Variants in RGS6 observed in about 807,000 individuals in gnomAD.
RGS6 encodes the protein regulator of G protein signaling 6.
RGS6 carries 30 observed loss-of-function variants against 78.5 expected under a neutral mutation model. The ratio of observed to expected loss-of-function variants is 0.38; its 90% CI spans 0.29 to 0.52. The LOEUF (loss-of-function observed/expected upper bound fraction) is 0.52, where lower values mean the gene tolerates loss of function less well. Ranked by LOEUF, RGS6 falls within the 20% of genes least tolerant of loss-of-function variation. The pLI, the probability that RGS6 is intolerant of heterozygous loss-of-function variation, is 0.85. For missense variants in RGS6, 495 were observed against 609.7 expected (o/e 0.81, Z 1.98); for synonymous variants, 206 against 206.0 (o/e 1.00, Z 0.00).
intron 1 of RGS6, among the ~76,000 whole-genome samples, chr14:71,940,429 A>G (rs1227771672): frequency 3.9e-5 from 6 of 152,150 alleles, no homozygotes; most frequent in Non-Finnish European, 8.8e-5. Context: ...TATAATTCAA[A>G]TTAGTCTTTT....
intron 3 of RGS6, among the ~76,000 whole-genome samples, chr14:72,416,041 A>C (rs1355975553): frequency 6.6e-6 from 1 of 151,724 alleles, no homozygotes; most frequent in Non-Finnish European, 1.5e-5. Flanking sequence ...CCAGCTTCTC[A>C]GGAGGCTGAG....
the RGS6 span, among the ~76,000 whole-genome samples, chr14:71,905,923 A>G: frequency 1.3e-5 from 2 of 152,170 alleles, no homozygotes; most frequent in Admixed American, 1.3e-4. Flanking sequence ...ATTTCCTCAA[A>G]TTTGACAGGC....
intron 13 of RGS6, among the ~76,000 whole-genome samples, chr14:72,507,687 A>G (rs1158584493): frequency 2.6e-5 from 4 of 152,212 alleles, no homozygotes; most frequent in African/African-American, 7.2e-5. Context: ...CTTGGGTACC[A>G]GAAAGGGGTG....
chr14:72,541,162 C>G, intron 17 of RGS6: 2 of 1,377,770 alleles, frequency 1.5e-6, no homozygotes, highest in Non-Finnish European at 9.6e-7. Context: ...GGGTGGCAGC[C>G]CATTGATATT....
Position 72,510,337 on chromosome 14 carries a change from C to T in RGS6, c.1091+58C>T, listed in dbSNP as rs1004457597. 5.0e-5 allele frequency: 80 copies of T among 1,598,450 alleles called. No individual in the cohort carries two copies. In the African/African-American group the frequency reaches 9.5e-4, roughly 19 times the overall value. On this transcript the variant is annotated intron_variant, in intron 14 of 17. Coordinates refer to ENST00000553525, the MANE Select transcript of RGS6 (RefSeq NM_001204424.2). ...ATGTGTGTGAAGAAATTTGCATAAT[C>T]GGTCTCTCCATCTCTCTCTCTCTCA...
At chr14:72,228,774 G>A (rs1181080054) in intron 2 of RGS6, among the ~76,000 whole-genome samples, 3 of 152,194 alleles carry the variant, frequency 2.0e-5, no homozygotes, top group South Asian at 2.1e-4. Context: ...GGCTGGGCAC[G>A]GTGGCTCACG....
At chr14:72,415,016 A>T (rs2093698954) in intron 3 of RGS6, among the ~76,000 whole-genome samples, 1 of 152,166 alleles carries the variant, frequency 6.6e-6, no homozygotes, top group Non-Finnish European at 1.5e-5. Context: ...CCACTTGAGG[A>T]GGCAGTCTGC....
chr14:72,002,689 A>G (rs2083714329), intron 2 of RGS6, among the ~76,000 whole-genome samples: 4 of 152,180 alleles, frequency 2.6e-5, no homozygotes. Flanking sequence ...GAAGTACTTT[A>G]TAAATCCTGG....
the RGS6 span, among the ~76,000 whole-genome samples, chr14:72,605,077 G>A: frequency 6.6e-6 from 1 of 152,228 alleles, no homozygotes; most frequent in African/African-American, 2.4e-5. Context: ...TAGAGGGCAG[G>A]TTTGGGCTCC....
chr14:72,465,559 T>C (rs1352670201), intron 6 of RGS6, among the ~76,000 whole-genome samples, 199 bp from the exon 7 acceptor site: 2 of 107,096 alleles, frequency 1.9e-5, no homozygotes, highest in Admixed American at 9.2e-5. Flanking sequence ...TCTGGATGGA[T>C]GGATGGATGG....
intron 2 of RGS6, among the ~76,000 whole-genome samples, chr14:72,089,061 T>G (rs1305709093): frequency 6.6e-6 from 1 of 152,256 alleles, no homozygotes; most frequent in Non-Finnish European, 1.5e-5. Flanking sequence ...TACCATTCTC[T>G]GAAATTATTC....
At chr14:71,887,393 G>A in the RGS6 span, among the ~76,000 whole-genome samples, 1 of 152,246 alleles carries the variant, frequency 6.6e-6, no homozygotes, top group South Asian at 2.1e-4. Flanking sequence ...TGCCTGCAGG[G>A]TCAGGCAAAA....
intron 13 of RGS6, among the ~76,000 whole-genome samples, chr14:72,502,621 G>A (rs11621407): frequency 0.17 from 25,753 of 152,038 alleles, 2,470 homozygotes; most frequent in African/African-American, 0.27. Flanking sequence ...AAAATTAGCT[G>A]GGCATGGTGG....
At chr14:72,061,571 A>G (rs1269943156) in intron 2 of RGS6, among the ~76,000 whole-genome samples, 2 of 152,010 alleles carry the variant, frequency 1.3e-5, no homozygotes, top group Non-Finnish European at 2.9e-5. Flanking sequence ...TGGAAAAGTA[A>G]CTTTTTTTTT....
intron 2 of RGS6, among the ~76,000 whole-genome samples, chr14:72,001,447 GCTTT>G (rs2083400535): frequency 6.7e-6 from 1 of 149,176 alleles, no homozygotes; most frequent in Admixed American, 6.7e-5. Context: ...TTATATCAAT[GCTTT>G]CTAAGATAAA....
At chr14:71,964,484 C>A (rs2093398238) in intron 1 of RGS6, among the ~76,000 whole-genome samples, 1 of 151,718 alleles carries the variant, frequency 6.6e-6, no homozygotes, top group South Asian at 2.1e-4. Context: ...CTAGCCTGGG[C>A]AATAAGAGCG....
intron 1 of RGS6, among the ~76,000 whole-genome samples, chr14:71,949,778 C>G (rs1233862717): frequency 9.1e-6 from 1 of 109,862 alleles, no homozygotes; most frequent in East Asian, 2.6e-4. Context: ...TATAGAAGCT[C>G]TATTTTTTTT....
At chr14:72,152,243 AGAGTGTGTGTGTGT>A (rs1364801256) in intron 2 of RGS6, among the ~76,000 whole-genome samples, 63 of 125,264 alleles carry the variant, frequency 5.0e-4, no homozygotes, top group African/African-American at 1.6e-3. Context: ...AGAGAGAGAG[AGAGTGTGTGTGTGT>A]GTGTGTGTGT....
At chr14:72,241,155 C>CA (rs55988416) in intron 2 of RGS6, among the ~76,000 whole-genome samples, 34,029 of 101,704 alleles carry the variant, frequency 0.33, 4,881 homozygotes, top group East Asian at 0.62. Flanking sequence ...GACTCTGTCT[C>CA]AAAAAAAAAA....
Sources: allele counts gnomAD v4.1 joint callset (sites outside exome capture counted in the v4.1 genomes callset), GRCh38; gene constraint gnomAD v4.1.1; transcripts MANE v1.5; gene names NCBI Gene and HGNC (gene_info 2026-07-23, HGNC 2026-07-21).